The following RYR2 variants were observed in gnomAD, a reference collection of about 807,000 sequenced individuals.
The protein encoded by RYR2 is cardiac muscle ryanodine receptor-calcium release channel.
RYR2 carries 227 observed loss-of-function variants against 601.1 expected under a neutral mutation model. The observed-to-expected ratio is 0.38, with a 90% CI of 0.34 to 0.42. RYR2 has a LOEUF of 0.42. Ranked by LOEUF, RYR2 falls within the 10% of genes least tolerant of loss-of-function variation. The probability of loss-of-function intolerance (pLI) is 1.00; values close to 1 mark genes in which losing one functional copy is unlikely to be tolerated. For synonymous variants in RYR2, 2,223 were observed against 2,175.1 expected (o/e 1.02, Z -0.61); for missense variants, 4,646 against 6,156.5 (o/e 0.75, Z 8.21).
chr1:237,546,902 G>T (rs935548713), intron 25 of RYR2, among the ~76,000 whole-genome samples: 2 of 149,642 alleles, frequency 1.3e-5, no homozygotes, highest in Admixed American at 1.3e-4. Context: ...CAAGGAGCTT[G>T]CCTTGTAATG....
intron 29 of RYR2, among the ~76,000 whole-genome samples, chr1:237,581,334 T>C (rs891706594): frequency 6.6e-6 from 1 of 152,176 alleles, no homozygotes; most frequent in Non-Finnish European, 1.5e-5. Context: ...AACAATACTT[T>C]TGAGTCTGTA....
intron 99 of RYR2, among the ~76,000 whole-genome samples, chr1:237,808,327 A>G (rs994143864): frequency 2.6e-5 from 4 of 152,206 alleles, no homozygotes; most frequent in Admixed American, 1.3e-4. Flanking sequence ...AACGAAATGC[A>G]TTTTATTAGG....
chr1:237,796,911 AG>A (rs1238968367), intron 96 of RYR2, among the ~76,000 whole-genome samples: 1 of 152,010 alleles, frequency 6.6e-6, no homozygotes, highest in Non-Finnish European at 1.5e-5. Flanking sequence ...CAGTCTCCCA[AG>A]TAGCTGGGAT....
intron 29 of RYR2, among the ~76,000 whole-genome samples, chr1:237,574,813 C>G (rs1673063026): frequency 6.6e-6 from 1 of 152,138 alleles, no homozygotes; most frequent in South Asian, 2.1e-4. Context: ...GAAGATGACT[C>G]CAACCCTCAG....
In RYR2 at chr1:237,355,950, T is replaced by A. The variant is rs543184752; in HGVS notation, c.274-15T>A. The A allele has an allele frequency of 1.3e-6, 2 of 1,596,482 alleles. No individual in the cohort carries two copies. The highest frequency in any genetic ancestry group is 1.1e-5 in the South Asian group (1 of 88,344). On this transcript the variant is annotated splice_polypyrimidine_tract_variant and intron_variant, in intron 3 of 104. Transcript: ENST00000366574. Reference sequence around the variant, plus strand: ...TTGTTTGTTTGTTATTTATTTTGGCTTTTTCTTTCCACAGCAAGTTGATGT... The same window carrying A: ...TTGTTTGTTTGTTATTTATTTTGGCATTTTCTTTCCACAGCAAGTTGATGT...
intron 25 of RYR2, among the ~76,000 whole-genome samples, chr1:237,542,355 G>A (rs1402759682): frequency 6.6e-6 from 1 of 152,072 alleles, no homozygotes. Flanking sequence ...AGCCTCCCAT[G>A]TATTATTAGT....
chr1:237,707,138 A>G lies in RYR2; in HGVS notation c.9770A>G (p.Asn3257Ser), dbSNP rs1167753426. The G allele has an allele frequency of 1.9e-6, 3 of 1,613,782 alleles. No homozygotes were observed. The highest frequency in any genetic ancestry group is 2.7e-5 in the African/African-American group (2 of 74,904). Residue 3257 changes from asparagine to serine, a missense_variant, in exon 68 of 105, where the codon AAT becomes AGT. Physicochemically the swap from Asn to Ser is conservative, Grantham distance 46 (BLOSUM62 1). Coordinates refer to ENST00000366574, the MANE Select transcript of RYR2 (RefSeq NM_001035.3). Reference protein sequence around the residue: ...SRWWEHGPENNPERAEMCCTA... With the variant: ...SRWWEHGPENSPERAEMCCTA... Reference sequence around the variant, plus strand: ...TGGTGGGAGCATGGACCTGAGAACAATCCAGAACGGGCCGAGATGTGCTGC... The same window carrying G: ...TGGTGGGAGCATGGACCTGAGAACAGTCCAGAACGGGCCGAGATGTGCTGC...
At chr1:237,701,564 T>G (rs770365594) in intron 65 of RYR2, among the ~76,000 whole-genome samples, 6 of 152,076 alleles carry the variant, frequency 3.9e-5, no homozygotes, top group Non-Finnish European at 7.4e-5. Flanking sequence ...TGTTTAGTTA[T>G]TTTTATTTGT....
At chr1:237,127,508 G>C (rs1360305113) in intron 1 of RYR2, among the ~76,000 whole-genome samples, 1 of 151,458 alleles carries the variant, frequency 6.6e-6, no homozygotes, top group East Asian at 2.0e-4. Context: ...TGGCCGGGCG[G>C]GGGGCTGATG....
Position 237,828,535 on chromosome 1 carries a change from AAGG to A in RYR2, c.14655+97_14655+99del, listed in dbSNP as rs1418176863. 15 of 858,436 alleles carry A rather than the reference AAGG, an allele frequency of 1.7e-5. No homozygotes were observed. The South Asian group carries it at 2.1e-4, about 12-fold the overall frequency. The allele number at this position is 858,436 out of a possible 1,614,324, so 53.2% of individuals were successfully genotyped here. A position where few individuals can be genotyped will look rare whatever the true frequency, so the allele number is the denominator to read the frequency against. ...TTATCAATAGAATCATGAATGTGGG[AAGG>A]AGGAGGGGGAAGGGCACAACTTGTG... On this transcript the variant is annotated intron_variant, in intron 102 of 104. Transcript: ENST00000366574.
At chr1:237,081,443 C>A (rs1354889475) in intron 1 of RYR2, among the ~76,000 whole-genome samples, 1 of 151,788 alleles carries the variant, frequency 6.6e-6, no homozygotes, top group Non-Finnish European at 1.5e-5. Flanking sequence ...TCTAAAGGGA[C>A]AACCAAGATC....
rs192516984 is a variant in RYR2, at chr1:237,416,538, T to A, written c.774-511T>A. 1.3e-3 allele frequency among the ~76,000 whole-genome samples: 203 copies of A among 152,326 alleles called. 1 individual carries two copies. Among genetic ancestry groups the A allele is most frequent in the Non-Finnish European group, 7.4e-5 (5 of 68,026 alleles). On this transcript the variant is annotated intron_variant, in intron 10 of 104. Transcript: ENST00000366574. ...TCATATTTTGATATAAATTGCAGAT[T>A]GCTGTGTTAAAATATTAAGAATTGT...
chr1:237,128,013 C>T (rs1310705861), intron 1 of RYR2, among the ~76,000 whole-genome samples: 2 of 152,306 alleles, frequency 1.3e-5, no homozygotes, highest in East Asian at 1.9e-4. Flanking sequence ...AATCTCGGCA[C>T]TTTGGGAGGC....
intron 1 of RYR2, among the ~76,000 whole-genome samples, chr1:237,258,933 T>C (rs1688254073): frequency 6.6e-6 from 1 of 152,120 alleles, no homozygotes; most frequent in Admixed American, 6.5e-5. Flanking sequence ...GATGAAAGTT[T>C]ATATATTCAG....
chr1:237,807,108 T>C (rs1465109481), intron 99 of RYR2, among the ~76,000 whole-genome samples: 1 of 152,188 alleles, frequency 6.6e-6, no homozygotes, highest in Non-Finnish European at 1.5e-5. Flanking sequence ...GTTTTCTAAA[T>C]TTCAGCATGA....
At chr1:237,196,511 T>A (rs966142494) in intron 1 of RYR2, among the ~76,000 whole-genome samples, 2 of 152,168 alleles carry the variant, frequency 1.3e-5, no homozygotes, top group Admixed American at 1.3e-4. Flanking sequence ...TAGAATTTAT[T>A]TGGGGAGTTA....
At chr1:237,469,330 G>C (rs911582607) in intron 17 of RYR2, 143 bp downstream of exon 17, 22 of 539,176 alleles carry the variant, frequency 4.1e-5, no homozygotes, top group Non-Finnish European at 6.3e-5. Context: ...ATACTCAGGA[G>C]GCTGAGGTAG....
chr1:237,223,401 C>T (rs1272410095), intron 1 of RYR2, among the ~76,000 whole-genome samples: 2 of 152,136 alleles, frequency 1.3e-5, no homozygotes, highest in African/African-American at 4.8e-5. Flanking sequence ...CCTTTTAATA[C>T]CATCACATTG....
chr1:237,375,290 AT>A (rs1216072014), intron 7 of RYR2, among the ~76,000 whole-genome samples: 2 of 152,234 alleles, frequency 1.3e-5, no homozygotes, highest in Non-Finnish European at 2.9e-5. Flanking sequence ...AAATGTATAT[AT>A]TAACACTTTT....
Sources: allele counts gnomAD v4.1 joint callset (sites outside exome capture counted in the v4.1 genomes callset), GRCh38; gene constraint gnomAD v4.1.1; transcripts MANE v1.5; gene names NCBI Gene and HGNC (gene_info 2026-07-23, HGNC 2026-07-21).